Variants in DPYD observed in about 807,000 individuals in gnomAD.
The protein encoded by DPYD is dihydropyrimidine dehydrogenase [NADP(+)].
DPYD carries 109 observed loss-of-function variants against 116.2 expected under a neutral mutation model. The ratio of observed to expected loss-of-function variants is 0.94; its 90% CI spans 0.80 to 1.10. The LOEUF (loss-of-function observed/expected upper bound fraction) is 1.10. DPYD is among the 50% of genes least tolerant of loss of function. The pLI is 0.00. For missense variants in DPYD, 1,302 were observed against 1,254.5 expected (o/e 1.04, Z -0.57); for synonymous variants, 440 against 432.0 (o/e 1.02, Z -0.23).
In DPYD at chr1:97,098,587, T is replaced by C. The variant is rs755729055; in HGVS notation, c.2668A>G (p.Ile890Val). The C allele has an allele frequency of 1.9e-6, 3 of 1,613,190 alleles. No individual in the cohort carries two copies. Among genetic ancestry groups the C allele is most frequent in the Middle Eastern group, 1.7e-4 (1 of 6,046 alleles). ...GPYLEQRKKI[I>V]AENKIRLKEQ... ...TTCAGTCTAATCTTGTTTTCTGCTA[T>C]GATTTTCTTGCGCTGTTCCAGATAA... The change falls in exon 21 of 23, where the codon ATA (isoleucine) becomes GTA (valine). Residue 890 changes from isoleucine to valine, a missense_variant. Coordinates refer to ENST00000370192, the MANE Select transcript of DPYD (RefSeq NM_000110.4).
At chr1:97,838,799 T>G (rs915371805) in intron 2 of DPYD, among the ~76,000 whole-genome samples, 9 of 151,948 alleles carry the variant, frequency 5.9e-5, no homozygotes, top group Non-Finnish European at 1.0e-4. Flanking sequence ...GAGCCGAGAT[T>G]GCGCCACTGC....
chr1:97,779,467 T>C (rs1054789194), intron 3 of DPYD, among the ~76,000 whole-genome samples: 1 of 151,988 alleles, frequency 6.6e-6, no homozygotes, highest in African/African-American at 2.4e-5. Flanking sequence ...TACTACAAAA[T>C]TACTACTACT....
chr1:97,883,938 A>G, intron 1 of DPYD: 1 of 434,290 alleles, frequency 2.3e-6, no homozygotes, highest in Admixed American at 3.0e-5. Flanking sequence ...TCCAAAAAAA[A>G]GTTCAGTATG....
At chr1:97,401,312 TTTTG>T (rs1027746462) in intron 14 of DPYD, among the ~76,000 whole-genome samples, 2 of 152,084 alleles carry the variant, frequency 1.3e-5, no homozygotes, top group African/African-American at 2.4e-5. Flanking sequence ...GGAAGTTTTT[TTTTG>T]TTTGTTTGTT....
chr1:97,357,137 C>G (rs1464089603), intron 16 of DPYD, among the ~76,000 whole-genome samples: 1 of 152,158 alleles, frequency 6.6e-6, no homozygotes, highest in Non-Finnish European at 1.5e-5. Flanking sequence ...CAAACCAATT[C>G]TTCTAATCCA....
At chr1:97,080,595 T>C (rs1649086945) in intron 22 of DPYD, among the ~76,000 whole-genome samples, 1 of 152,164 alleles carries the variant, frequency 6.6e-6, no homozygotes, top group Non-Finnish European at 1.5e-5. Flanking sequence ...ATTGGTGCTA[T>C]GTTTTGTAAA....
chr1:97,358,690 A>G (rs1670551061), intron 16 of DPYD, among the ~76,000 whole-genome samples: 1 of 152,192 alleles, frequency 6.6e-6, no homozygotes, highest in South Asian at 2.1e-4. Flanking sequence ...GAGCTCCAGC[A>G]AACTTCAACA....
chr1:97,820,854 A>G (rs756820180), intron 3 of DPYD, among the ~76,000 whole-genome samples: 32 of 152,222 alleles, frequency 2.1e-4, no homozygotes, highest in Non-Finnish European at 3.8e-4. Context: ...ATATACTCAT[A>G]AATCTATTAA....
At chr1:97,629,647 T>G (rs1354182147) in intron 8 of DPYD, among the ~76,000 whole-genome samples, 1 of 151,980 alleles carries the variant, frequency 6.6e-6, no homozygotes, top group Non-Finnish European at 1.5e-5. Context: ...AGGCCATTTC[T>G]GATAATCCTA....
chr1:97,719,313 T>C (rs915358639), intron 5 of DPYD, among the ~76,000 whole-genome samples: 1 of 151,400 alleles, frequency 6.6e-6, no homozygotes, highest in Non-Finnish European at 1.5e-5. Flanking sequence ...ACCTAACCAA[T>C]AATGGCAGAC....
intron 2 of DPYD, among the ~76,000 whole-genome samples, chr1:97,882,686 T>C (rs1438710474): frequency 2.6e-5 from 4 of 152,032 alleles, no homozygotes; most frequent in African/African-American, 9.7e-5. Flanking sequence ...TCACCTCCTA[T>C]ATACAGTTAA....
chr1:97,791,417 T>C (rs1667313169), intron 3 of DPYD, among the ~76,000 whole-genome samples: 1 of 152,238 alleles, frequency 6.6e-6, no homozygotes, highest in Non-Finnish European at 1.5e-5. Context: ...ACCATAATGA[T>C]GTGCTTTTGC....
At chr1:97,110,602 T>C (rs1022046681) in intron 20 of DPYD, among the ~76,000 whole-genome samples, 12 of 152,166 alleles carry the variant, frequency 7.9e-5, no homozygotes, top group Non-Finnish European at 1.3e-4. Flanking sequence ...TCTGTGACCC[T>C]ACAGCCACTT....
intron 2 of DPYD, among the ~76,000 whole-genome samples, chr1:97,879,898 G>C: frequency 6.6e-6 from 1 of 151,750 alleles, no homozygotes; most frequent in South Asian, 2.1e-4. Context: ...AAAAAAGGAA[G>C]AAGAAGGCAG....
At chr1:97,314,242 C>T (rs575209644) in intron 16 of DPYD, among the ~76,000 whole-genome samples, 30 of 151,876 alleles carry the variant, frequency 2.0e-4, no homozygotes, top group Non-Finnish European at 3.8e-4. Context: ...GAGTTTGTAC[C>T]TCTGACCCTG....
chr1:97,266,272 G>T (rs1343311745), intron 18 of DPYD, among the ~76,000 whole-genome samples: 4 of 152,160 alleles, frequency 2.6e-5, no homozygotes, highest in Non-Finnish European at 5.9e-5. Context: ...TATCAAGGGA[G>T]AATACTAACT....
intron 21 of DPYD, among the ~76,000 whole-genome samples, chr1:97,096,384 T>G (rs1462911611): frequency 6.6e-6 from 1 of 152,130 alleles, no homozygotes; most frequent in African/African-American, 2.4e-5. Flanking sequence ...ATATCTTCCT[T>G]TAGAAATTTT....
At chr1:97,434,752 T>C (rs1675378031) in intron 14 of DPYD, among the ~76,000 whole-genome samples, 2 of 152,106 alleles carry the variant, frequency 1.3e-5, no homozygotes, top group African/African-American at 4.8e-5. Flanking sequence ...CGTAAGTATA[T>C]ATGCATAGTT....
intron 14 of DPYD, among the ~76,000 whole-genome samples, chr1:97,437,631 A>G (rs1675542883): frequency 6.6e-6 from 1 of 151,920 alleles, no homozygotes; most frequent in Non-Finnish European, 1.5e-5. Context: ...AAATAAACCC[A>G]CCAAAGTACT....
Sources: gnomAD v4.1 joint callset for allele counts (sites outside exome capture counted in the v4.1 genomes callset) on GRCh38, gnomAD v4.1.1 for gene constraint, MANE v1.5 for transcripts, NCBI Gene and HGNC (gene_info 2026-07-23, HGNC 2026-07-21) for gene names.